INTS9: variants seen among roughly 807,000 people sequenced by gnomAD.
INTS9 encodes protein related to CPSF subunits of 74 kDa.
Under a neutral mutation model 79.7 loss-of-function variants are expected in INTS9, and 55 were observed. The ratio of observed to expected loss-of-function variants is 0.69; its 90% CI spans 0.56 to 0.86. The LOEUF (loss-of-function observed/expected upper bound fraction) is 0.86. Ranked by LOEUF, INTS9 falls within the 40% of genes least tolerant of loss-of-function variation. The pLI, the probability that INTS9 is intolerant of heterozygous loss-of-function variation, is 0.00. For synonymous variants in INTS9, 319 were observed against 325.2 expected (o/e 0.98, Z 0.20); for missense variants, 721 against 831.5 (o/e 0.87, Z 1.64).
chr8:28,837,600 A>G, intron 5 of INTS9, 37 bp downstream of exon 5: 1 of 1,601,680 alleles, frequency 6.2e-7, no homozygotes, highest in African/African-American at 1.3e-5. Flanking sequence ...GGAGCTCCGC[A>G]GTCACATCCT....
intron 8 of INTS9, among the ~76,000 whole-genome samples, chr8:28,800,126 G>A (rs1232157371): frequency 6.6e-6 from 1 of 152,186 alleles, no homozygotes; most frequent in African/African-American, 2.4e-5. Flanking sequence ...CTGAAGCTCC[G>A]TGAAGGCAAG....
At chr8:28,850,803 C>T (rs920190970) in intron 2 of INTS9, among the ~76,000 whole-genome samples, 1 of 152,218 alleles carries the variant, frequency 6.6e-6, no homozygotes, top group Admixed American at 6.5e-5. Context: ...TCACCTGTCA[C>T]CTGTGACTTG....
chr8:28,885,351 A>G (rs1810127035), intron 1 of INTS9, among the ~76,000 whole-genome samples: 1 of 152,216 alleles, frequency 6.6e-6, no homozygotes, highest in African/African-American at 2.4e-5. Flanking sequence ...GCAGAGCGCC[A>G]TGGATTCTGA....
chr8:28,797,289 G>A lies in INTS9; in HGVS notation c.745-634C>T, dbSNP rs567901817. 4.6e-5 allele frequency among the ~76,000 whole-genome samples: 7 copies of A among 152,268 alleles called. No homozygotes were observed. The South Asian group carries it at 1.5e-3, about 32-fold the overall frequency. Reference sequence around the variant, plus strand: ...TACACTATCGGAATATGGAATTTAGGACTCAAAGAGGTAAGGAGATTTACA... The same window carrying A: ...TACACTATCGGAATATGGAATTTAGAACTCAAAGAGGTAAGGAGATTTACA... On this transcript the variant is annotated intron_variant, in intron 8 of 16. Coordinates refer to ENST00000521022, the MANE Select transcript of INTS9 (RefSeq NM_018250.4).
rs564073011 is a variant in INTS9 at position 28,786,115 on chromosome 8, A to T, written c.1098+1714T>A. 3.4e-4 allele frequency among the ~76,000 whole-genome samples: 51 copies of T among 152,164 alleles called. 1 individual carries two copies. The South Asian group carries it at 0.01, about 31-fold the overall frequency. ...AAAATCATACCATATCTACTCTTTTATATCTGGATCTTTCACTCACATTAT... is the reference window on the plus strand; with the variant it reads ...AAAATCATACCATATCTACTCTTTTTTATCTGGATCTTTCACTCACATTAT... On this transcript the variant is annotated intron_variant, in intron 11 of 16. Transcript: ENST00000521022.
At chr8:28,867,018 G>T (rs1808791249) in intron 1 of INTS9, among the ~76,000 whole-genome samples, 1 of 152,280 alleles carries the variant, frequency 6.6e-6, no homozygotes, top group East Asian at 1.9e-4. Flanking sequence ...CAGGCGTGGT[G>T]GCTCATGCCT....
intron 8 of INTS9, 28 bp from the exon 9 acceptor site, chr8:28,796,683 G>A (rs1804234240): frequency 3.6e-6 from 5 of 1,388,040 alleles, no homozygotes; most frequent in East Asian, 4.6e-5. Context: ...AATATGGTTA[G>A]TAATTTTAAA....
chr8:28,845,895 T>C (rs750354666), intron 4 of INTS9, among the ~76,000 whole-genome samples: 2 of 152,156 alleles, frequency 1.3e-5, no homozygotes, highest in Non-Finnish European at 2.9e-5. Flanking sequence ...CTAAGAGAGA[T>C]AAAAATGTTG....
At chr8:28,814,969 G>GT (rs1188044625) in intron 6 of INTS9, among the ~76,000 whole-genome samples, 2 of 152,148 alleles carry the variant, frequency 1.3e-5, no homozygotes, top group Non-Finnish European at 2.9e-5. Context: ...TTTCTAATTA[G>GT]TTTTTTTAAT....
At chr8:28,827,313 G>A (rs1358271634) in intron 6 of INTS9, among the ~76,000 whole-genome samples, 6 of 152,102 alleles carry the variant, frequency 3.9e-5, no homozygotes, top group Admixed American at 6.5e-5. Context: ...AAAGCTCTGC[G>A]GCCTCTTCCT....
rs534563309 is a variant in INTS9 at position 28,773,371 on chromosome 8, G to A, written c.1564-2291C>T. ...CCCAGCTACTAGGGAGGCTGAGGCA[G>A]GAGAATGGCATGAAGCTGGGAGGCG... On this transcript the variant is annotated intron_variant, in intron 14 of 16. Transcript: ENST00000521022. Among the ~76,000 whole-genome samples, 43 of 150,402 alleles carry A rather than the reference G, an allele frequency of 2.9e-4. No individual in the cohort carries two copies. In the South Asian group the frequency reaches 8.8e-3, roughly 31 times the overall value.
At chr8:28,880,202 T>C (rs1322098518) in intron 1 of INTS9, among the ~76,000 whole-genome samples, 3 of 152,086 alleles carry the variant, frequency 2.0e-5, no homozygotes, top group Non-Finnish European at 2.9e-5. Flanking sequence ...TTTATTTTAA[T>C]GGCATAGAAA....
intron 2 of INTS9, among the ~76,000 whole-genome samples, chr8:28,853,000 A>C (rs1184771608): frequency 6.6e-6 from 1 of 152,248 alleles, no homozygotes; most frequent in Non-Finnish European, 1.5e-5. Context: ...TTATCAAATA[A>C]ACCATAAAGA....
chr8:28,796,842 G>A, intron 8 of INTS9, 187 bp from the exon 9 acceptor site: 1 of 524,880 alleles, frequency 1.9e-6, no homozygotes, highest in East Asian at 3.0e-5. Context: ...ACTGATGGGA[G>A]GAGGCAAGAG....
chr8:28,836,777 C>T (rs1806828098), intron 5 of INTS9, among the ~76,000 whole-genome samples: 1 of 152,130 alleles, frequency 6.6e-6, no homozygotes, highest in Non-Finnish European at 1.5e-5. Context: ...GAGAGCCCTT[C>T]CTCAGCTCCC....
At chr8:28,862,501 G>A (rs1266414574) in intron 1 of INTS9, among the ~76,000 whole-genome samples, 2 of 152,172 alleles carry the variant, frequency 1.3e-5, no homozygotes, top group African/African-American at 4.8e-5. Flanking sequence ...CACAAGCATG[G>A]CTGTGGTGAT....
At chr8:28,773,867 C>G (rs561419481) in intron 14 of INTS9, among the ~76,000 whole-genome samples, 2 of 152,142 alleles carry the variant, frequency 1.3e-5, no homozygotes, top group East Asian at 3.9e-4. Flanking sequence ...CTGTCATCCA[C>G]GTAGGAGTGC....
rs2131429813 is a variant in INTS9 at position 28,889,950 on chromosome 8, A to G, written c.-68T>C. The G allele has an allele frequency of 6.7e-6, 9 of 1,339,326 alleles. No individual in the cohort carries two copies. The East Asian group carries it at 9.3e-5, about 14-fold the overall frequency. 83.0% of individuals were successfully genotyped at this position (1,339,326 alleles called of 1,614,324 possible). A position where few individuals can be genotyped will look rare whatever the true frequency, so the allele number is the denominator to read the frequency against. Reference sequence around the variant, plus strand: ...AACCCAGGAAGCGTCTTCCGGTGCAATCTCCGCCACCTGCCAGCCGAGAGC... The same window carrying G: ...AACCCAGGAAGCGTCTTCCGGTGCAGTCTCCGCCACCTGCCAGCCGAGAGC... On this transcript the variant is annotated 5_prime_UTR_variant, in exon 1 of 17. Coordinates refer to ENST00000521022, the MANE Select transcript of INTS9 (RefSeq NM_018250.4).
chr8:28,845,658 C>CA (rs1427479849), intron 4 of INTS9, among the ~76,000 whole-genome samples: 2 of 152,182 alleles, frequency 1.3e-5, no homozygotes, highest in East Asian at 3.9e-4. Flanking sequence ...TAGGAATCTT[C>CA]AAACAGATGG....
Sources: allele counts gnomAD v4.1 joint callset (sites outside exome capture counted in the v4.1 genomes callset), GRCh38; gene constraint gnomAD v4.1.1; transcripts MANE v1.5; gene names NCBI Gene and HGNC (gene_info 2026-07-23, HGNC 2026-07-21).